Variants in THSD4 observed in about 807,000 individuals in gnomAD.
The protein encoded by THSD4 is thrombospondin type 1 domain containing 4.
In THSD4, 69 loss-of-function variants were observed where a neutral mutation model predicts 119.0. The observed-to-expected ratio is 0.58, with a 90% confidence interval of 0.48 to 0.71. The LOEUF is 0.71. Among genes scored for constraint, THSD4 ranks in the 30% least tolerant of loss-of-function variants. THSD4 has a pLI of 0.00. For missense variants in THSD4, 1,393 were observed against 1,391.1 expected (o/e 1.00, Z -0.02); for synonymous variants, 524 against 540.4 (o/e 0.97, Z 0.42).
chr15:71,369,375 A>T (rs952789739), intron 6 of THSD4, among the ~76,000 whole-genome samples: 25 of 152,212 alleles, frequency 1.6e-4, no homozygotes, highest in Non-Finnish European at 1.9e-4. Flanking sequence ...TCAAAGGGAA[A>T]GCTTCCAGTT....
At chr15:71,232,404 C>G (rs774548458) in intron 4 of THSD4, among the ~76,000 whole-genome samples, 2 of 152,156 alleles carry the variant, frequency 1.3e-5, no homozygotes, top group Non-Finnish European at 2.9e-5. Context: ...CAGAGCTAGT[C>G]TCAGGGATCA....
rs186586830 is a variant in THSD4 at position 71,260,418 on chromosome 15, A to G, written c.1015+3703A>G. 2.3e-3 allele frequency among the ~76,000 whole-genome samples: 345 copies of G among 152,298 alleles called. 2 individuals carry two copies. The highest frequency in any genetic ancestry group is 7.8e-3 in the African/African-American group (325 of 41,558). On this transcript the variant is annotated intron_variant, in intron 6 of 17. Coordinates refer to ENST00000261862, the MANE Select transcript of THSD4 (RefSeq NM_024817.3). ...AGCCCATGACCAATCTTTTTCACAA[A>G]TATTTCCATCCTCTCTCTCCCACCC...
intron 7 of THSD4, among the ~76,000 whole-genome samples, chr15:71,629,236 G>A (rs1382751200): frequency 6.6e-6 from 1 of 152,166 alleles, no homozygotes; most frequent in African/African-American, 2.4e-5. Context: ...GACCCGCACT[G>A]TCTGCCCAGT....
At chr15:71,196,750 A>G (rs1466635284) in intron 3 of THSD4, among the ~76,000 whole-genome samples, 9 of 152,156 alleles carry the variant, frequency 5.9e-5, no homozygotes, top group African/African-American at 1.9e-4. Flanking sequence ...AAGCAGGAAC[A>G]CGGGAAAGAG....
At chr15:71,625,870 C>T (rs887487777) in intron 7 of THSD4, among the ~76,000 whole-genome samples, 4 of 152,144 alleles carry the variant, frequency 2.6e-5, no homozygotes, top group African/African-American at 7.2e-5. Flanking sequence ...TGGGATAGCA[C>T]AGACTGGCAG....
At chr15:71,502,654 T>A (rs2048128764) in intron 7 of THSD4, among the ~76,000 whole-genome samples, 1 of 152,172 alleles carries the variant, frequency 6.6e-6, no homozygotes, top group Non-Finnish European at 1.5e-5. Flanking sequence ...CGCAAAACAG[T>A]TGACTTGAAA....
rs1567122003 is a variant in THSD4 at position 71,727,573 on chromosome 15, TATATATATATATATACAC to T, written c.1358-974_1358-957del. On this transcript the variant is annotated intron_variant, in intron 8 of 17. Coordinates refer to ENST00000261862, the MANE Select transcript of THSD4 (RefSeq NM_024817.3). ...AAAAAAATATATATATATATATATATATATATATATATATACACACACACACACACACACACACACACA... is the reference window on the plus strand; with the variant it reads ...AAAAAAATATATATATATATATATATACACACACACACACACACACACACA... 8.5e-3 allele frequency among the ~76,000 whole-genome samples: 579 copies of T among 67,804 alleles called. 8 individuals are homozygous for T. The highest frequency in any genetic ancestry group is 0.066 in the East Asian group (190 of 2,864). The allele number at this position is 67,804 out of a possible 152,430, so 44.5% of individuals were successfully genotyped here.
Position 71,470,724 on chromosome 15 carries a change from T to C in THSD4, c.1152+58901T>C, listed in dbSNP as rs1035264113. 3.9e-5 allele frequency among the ~76,000 whole-genome samples: 6 copies of C among 151,942 alleles called. No homozygotes were observed. In the East Asian group the frequency reaches 7.8e-4, roughly 20 times the overall value. On this transcript the variant is annotated intron_variant, in intron 7 of 17. Transcript: ENST00000261862. ...AATCTCGGCTCACTGCAAGCTCCGC[T>C]TCCCGGGTTCACGCCATTCTCCTGC...
chr15:71,371,756 C>G (rs2046053174), intron 6 of THSD4, among the ~76,000 whole-genome samples: 1 of 152,100 alleles, frequency 6.6e-6, no homozygotes, highest in African/African-American at 2.4e-5. Context: ...AATTATGTGT[C>G]TTGGAGTTGC....
chr15:71,351,877 A>G (rs979956578), intron 6 of THSD4, among the ~76,000 whole-genome samples: 1 of 152,232 alleles, frequency 6.6e-6, no homozygotes, highest in Admixed American at 6.5e-5. Context: ...CAATTACCAA[A>G]TAATGGTAAT....
chr15:71,181,036 C>A (rs943040619), intron 3 of THSD4, among the ~76,000 whole-genome samples: 3 of 151,932 alleles, frequency 2.0e-5, no homozygotes, highest in African/African-American at 7.3e-5. Flanking sequence ...TGAGATTGTC[C>A]CTTGGGAGTG....
intron 5 of THSD4, among the ~76,000 whole-genome samples, chr15:71,253,951 A>G (rs2044287005): frequency 1.3e-5 from 2 of 152,178 alleles, no homozygotes; most frequent in Non-Finnish European, 2.9e-5. Context: ...AGTACTGAGC[A>G]ATTCTAGATG....
intron 7 of THSD4, among the ~76,000 whole-genome samples, chr15:71,414,330 T>C (rs2046729181): frequency 6.6e-6 from 1 of 152,240 alleles, no homozygotes; most frequent in Non-Finnish European, 1.5e-5. Flanking sequence ...TTTGCCTTTT[T>C]TTGTCGATTA....
At chr15:71,687,520 C>T (rs1464987733) in intron 8 of THSD4, among the ~76,000 whole-genome samples, 2 of 151,502 alleles carry the variant, frequency 1.3e-5, no homozygotes, top group African/African-American at 4.9e-5. Context: ...CTTTGGGGGG[C>T]CAAGGCGAGT....
chr15:71,416,741 GTTTTGTTTTATTTTATTTTA>G lies in THSD4; in HGVS notation c.1152+4923_1152+4942del, dbSNP rs1478849340. Among the ~76,000 whole-genome samples, 11 of 69,112 alleles carry G rather than the reference GTTTTGTTTTATTTTATTTTA, an allele frequency of 1.6e-4. 2 individuals are homozygous for G. Among genetic ancestry groups the G allele is most frequent in the African/African-American group, 5.6e-4 (11 of 19,708 alleles). The allele number at this position is 69,112 out of a possible 152,430, so 45.3% of individuals were successfully genotyped here. A position where few individuals can be genotyped will look rare whatever the true frequency, so the allele number is the denominator to read the frequency against. ...GTTTTGTTTTGTTTTGTTTTGTTTT[GTTTTGTTTTATTTTATTTTA>G]TTTTATTTTATTTTCGAGATGGAGT... On this transcript the variant is annotated intron_variant, in intron 7 of 17. Transcript: ENST00000261862.
chr15:71,726,663 C>T (rs531110077), intron 8 of THSD4, among the ~76,000 whole-genome samples: 52 of 152,308 alleles, frequency 3.4e-4, no homozygotes, highest in African/African-American at 9.4e-4. Context: ...TTCGGCTGGG[C>T]GCAGTGGCTC....
chr15:71,548,939 T>A (rs562573194), intron 7 of THSD4, among the ~76,000 whole-genome samples: 49 of 152,266 alleles, frequency 3.2e-4, no homozygotes, highest in African/African-American at 1.2e-3. Flanking sequence ...GTGTGCCAAT[T>A]ATTCTTATTA....
chr15:71,252,506 C>T (rs1299018375), intron 5 of THSD4, among the ~76,000 whole-genome samples: 2 of 152,266 alleles, frequency 1.3e-5, no homozygotes, highest in South Asian at 2.1e-4. Context: ...CCAGCCACTT[C>T]GCCAGGCCTC....
intron 6 of THSD4, chr15:71,341,362 G>T: frequency 1.2e-6 from 2 of 1,610,456 alleles, no homozygotes; most frequent in Non-Finnish European, 8.5e-7. Context: ...TGTTCACTTG[G>T]ATATGCTCAA....
Sources: allele counts gnomAD v4.1 joint callset (sites outside exome capture counted in the v4.1 genomes callset), GRCh38; gene constraint gnomAD v4.1.1; transcripts MANE v1.5; gene names NCBI Gene and HGNC (gene_info 2026-07-23, HGNC 2026-07-21).